ROBO2: variants seen among roughly 807,000 people sequenced by gnomAD.
ROBO2 encodes roundabout homolog 2.
A neutral mutation model predicts 160.8 loss-of-function variants in ROBO2; 53 were observed. The ratio of observed to expected loss-of-function variants is 0.33; its 90% CI spans 0.26 to 0.41. The LOEUF (loss-of-function observed/expected upper bound fraction) is 0.41, where lower values mean the gene tolerates loss of function less well. ROBO2 is among the 10% of genes least tolerant of loss of function. ROBO2 has a pLI of 1.00. For missense variants in ROBO2, 1,577 were observed against 1,722.4 expected (o/e 0.92, Z 1.49); for synonymous variants, 664 against 611.7 (o/e 1.09, Z -1.26).
At chr3:76,595,974 A>T (rs1448232451) in intron 2 of ROBO2, among the ~76,000 whole-genome samples, 1 of 152,122 alleles carries the variant, frequency 6.6e-6, no homozygotes, top group East Asian at 1.9e-4. Context: ...AATTATTAAC[A>T]TTCTGGCTCA....
chr3:76,710,393 A>G (rs1287898483), intron 2 of ROBO2, among the ~76,000 whole-genome samples: 1 of 152,180 alleles, frequency 6.6e-6, no homozygotes, highest in Admixed American at 6.5e-5. Context: ...TGCTGGGATT[A>G]CAGGTGTGAG....
At chr3:77,268,124 A>G (rs1051490705) in intron 2 of ROBO2, among the ~76,000 whole-genome samples, 1 of 152,226 alleles carries the variant, frequency 6.6e-6, no homozygotes, top group Non-Finnish European at 1.5e-5. Flanking sequence ...GCCATGTTAT[A>G]ATTACAGCTT....
intron 2 of ROBO2, among the ~76,000 whole-genome samples, chr3:77,341,203 C>T (rs552178709): frequency 5.9e-5 from 9 of 152,094 alleles, no homozygotes; most frequent in Middle Eastern, 3.4e-3. Flanking sequence ...ACAAGTTTGC[C>T]GATTCCATTG....
At chr3:77,282,055 T>C (rs2060276148) in intron 2 of ROBO2, among the ~76,000 whole-genome samples, 1 of 152,150 alleles carries the variant, frequency 6.6e-6, no homozygotes, top group African/African-American at 2.4e-5. Flanking sequence ...TTTACTACAA[T>C]GTAAATGCTA....
chr3:77,240,231 C>T (rs901105549), intron 2 of ROBO2, among the ~76,000 whole-genome samples: 6 of 152,106 alleles, frequency 3.9e-5, no homozygotes, highest in East Asian at 1.9e-4. Flanking sequence ...AGCCCTGCCC[C>T]GCAGGGAGGC....
intron 2 of ROBO2, among the ~76,000 whole-genome samples, chr3:76,345,627 G>A (rs927499628): frequency 4.6e-5 from 7 of 151,676 alleles, no homozygotes; most frequent in African/African-American, 7.3e-5. Context: ...AAATAAATTT[G>A]AGCCTTCCTA....
intron 2 of ROBO2, among the ~76,000 whole-genome samples, chr3:76,292,842 A>C (rs762109348): frequency 1.3e-5 from 2 of 152,174 alleles, no homozygotes; most frequent in Non-Finnish European, 2.9e-5. Flanking sequence ...ATCTGAGTGC[A>C]GTGTAATTTA....
At chr3:77,366,809 C>CAG (rs2070948635) in intron 2 of ROBO2, among the ~76,000 whole-genome samples, 1 of 147,530 alleles carries the variant, frequency 6.8e-6, no homozygotes. Flanking sequence ...CAGAGAGATA[C>CAG]AGAGAGAGAA....
intron 2 of ROBO2, among the ~76,000 whole-genome samples, chr3:76,732,792 C>T (rs1421774435): frequency 6.6e-6 from 1 of 152,130 alleles, no homozygotes; most frequent in Non-Finnish European, 1.5e-5. Context: ...CATAATTTAG[C>T]AAACAGATTT....
intron 2 of ROBO2, among the ~76,000 whole-genome samples, chr3:76,863,444 AAAGAAAAAAG>A (rs1253154572): frequency 2.6e-5 from 3 of 114,694 alleles, no homozygotes; most frequent in Non-Finnish European, 1.9e-5. Flanking sequence ...TCTCAAAAAA[AAAGAAAAAAG>A]AAAAGAAAAG....
intron 2 of ROBO2, among the ~76,000 whole-genome samples, chr3:77,306,471 G>A (rs1017267390): frequency 2.0e-5 from 3 of 152,090 alleles, no homozygotes; most frequent in African/African-American, 4.8e-5. Context: ...ACATTAAACT[G>A]TAAAATGAAA....
intron 24 of ROBO2, among the ~76,000 whole-genome samples, chr3:77,639,109 C>T (rs2095310863): frequency 1.3e-5 from 2 of 152,052 alleles, no homozygotes; most frequent in South Asian, 4.1e-4. Context: ...GGATTATAGG[C>T]ATGAGCCACC....
intron 2 of ROBO2, among the ~76,000 whole-genome samples, chr3:77,189,634 T>A (rs1182934259): frequency 6.6e-6 from 1 of 151,988 alleles, no homozygotes; most frequent in Non-Finnish European, 1.5e-5. Context: ...ATGTTTACTT[T>A]CTGGTGAGAC....
intron 2 of ROBO2, among the ~76,000 whole-genome samples, chr3:76,747,972 A>G (rs1045031086): frequency 6.6e-6 from 1 of 151,956 alleles, no homozygotes; most frequent in Non-Finnish European, 1.5e-5. Flanking sequence ...ATGTAGATTT[A>G]GGGATTTGGT....
intron 2 of ROBO2, among the ~76,000 whole-genome samples, chr3:76,830,547 A>G (rs2066991524): frequency 6.6e-6 from 1 of 152,156 alleles, no homozygotes; most frequent in East Asian, 1.9e-4. Flanking sequence ...GTTTTCCACA[A>G]TCAGGACTTT....
chr3:76,422,888 C>T (rs4855979), intron 2 of ROBO2, among the ~76,000 whole-genome samples: 101,259 of 151,928 alleles, frequency 0.67, 34,486 homozygotes, highest in African/African-American at 0.82. Context: ...AAGAAAAAGG[C>T]GAGATTTCTT....
intron 2 of ROBO2, among the ~76,000 whole-genome samples, chr3:77,118,008 T>C (rs1227339624): frequency 1.3e-5 from 2 of 152,236 alleles, no homozygotes; most frequent in Non-Finnish European, 2.9e-5. Context: ...TATTCACTAA[T>C]ACACCAGTGC....
At chr3:77,333,663 G>GTGTGTC (rs1191823306) in intron 2 of ROBO2, among the ~76,000 whole-genome samples, 2 of 152,104 alleles carry the variant, frequency 1.3e-5, no homozygotes, top group Non-Finnish European at 1.5e-5. Flanking sequence ...TTTTACGAAT[G>GTGTGTC]TGTGTCCAGT....
At chr3:76,565,102 G>C (rs972947462) in intron 2 of ROBO2, among the ~76,000 whole-genome samples, 2 of 152,098 alleles carry the variant, frequency 1.3e-5, no homozygotes, top group Non-Finnish European at 2.9e-5. Flanking sequence ...AAGCTAAAGT[G>C]ATCTTGGAAT....
Sources: allele counts gnomAD v4.1 joint callset (sites outside exome capture counted in the v4.1 genomes callset), GRCh38; gene constraint gnomAD v4.1.1; transcripts MANE v1.5; gene names NCBI Gene and HGNC (gene_info 2026-07-23, HGNC 2026-07-21).